The following ADGRB3 variants were observed in gnomAD, a reference collection of about 807,000 sequenced individuals.
The protein encoded by ADGRB3 is adhesion G protein-coupled receptor B3.
In ADGRB3, 37 loss-of-function variants were observed where a neutral mutation model predicts 193.4. That is an observed-to-expected ratio of 0.19 (90% CI 0.15 to 0.25). The LOEUF (loss-of-function observed/expected upper bound fraction) is 0.25, where lower values mean the gene tolerates loss of function less well. ADGRB3 is among the 10% of genes least tolerant of loss of function. ADGRB3 has a pLI of 1.00. For missense variants in ADGRB3, 1,637 were observed against 1,852.9 expected, an observed-to-expected ratio of 0.88 and a Z score of 2.14; for synonymous variants, 690 against 644.2, an observed-to-expected ratio of 1.07 and a Z score of -1.08.
chr6:69,007,377 C>A (rs960235567), intron 11 of ADGRB3, among the ~76,000 whole-genome samples: 2 of 152,130 alleles, frequency 1.3e-5, no homozygotes, highest in African/African-American at 4.8e-5. Flanking sequence ...ACTGTGGGAT[C>A]AAAGCCTCAC....
rs1769127712 is a variant in ADGRB3 at position 68,987,948 on chromosome 6, A to G, written c.1735-5820A>G. Among the ~76,000 whole-genome samples, 3 of 152,304 alleles carry G rather than the reference A, an allele frequency of 2.0e-5. No homozygotes were observed. In the South Asian group the frequency reaches 6.2e-4, roughly 32 times the overall value. On this transcript the variant is annotated intron_variant, in intron 10 of 31. Transcript: ENST00000370598. ...ATTAATTGGATATAGTTTACAAAGCAATTCTGTCAGGAAGTGTAAAAGTTC... is the reference window on the plus strand; with the variant it reads ...ATTAATTGGATATAGTTTACAAAGCGATTCTGTCAGGAAGTGTAAAAGTTC...
chr6:68,772,892 AAAAT>A lies in ADGRB3; in HGVS notation c.757+133462_757+133465del, dbSNP rs1415470280. 7.6e-3 allele frequency among the ~76,000 whole-genome samples: 231 copies of A among 30,498 alleles called. 1 individual carries two copies. The highest frequency in any genetic ancestry group is 0.023 in the Middle Eastern group (2 of 88). 20.0% of individuals were successfully genotyped at this position (30,498 alleles called of 152,430 possible). A position where few individuals can be genotyped will look rare whatever the true frequency, so the allele number is the denominator to read the frequency against. Reference sequence around the variant, plus strand: ...AAACAAACAAACAAACAAAAAAAAAAAAATATATATATATATATATATATATATA... The same window carrying A: ...AAACAAACAAACAAACAAAAAAAAAAATATATATATATATATATATATATA... On this transcript the variant is annotated intron_variant, in intron 3 of 31. Transcript: ENST00000370598.
chr6:69,243,192 T>C (rs563405084), intron 20 of ADGRB3, among the ~76,000 whole-genome samples: 1 of 151,808 alleles, frequency 6.6e-6, no homozygotes, highest in African/African-American at 2.4e-5. Context: ...CTTCTCTCTC[T>C]CACAAGCTCA....
chr6:69,100,892 A>G (rs1582460756), intron 17 of ADGRB3, among the ~76,000 whole-genome samples: 3 of 114,378 alleles, frequency 2.6e-5, no homozygotes, highest in Non-Finnish European at 3.7e-5. Context: ...GAGGGAAGGA[A>G]GGAAGGAAGA....
At chr6:69,326,809 G>A (rs539696121) in intron 21 of ADGRB3, among the ~76,000 whole-genome samples, 2 of 152,056 alleles carry the variant, frequency 1.3e-5, no homozygotes, top group Admixed American at 6.6e-5. Context: ...AAGAAGAGGA[G>A]AAACAGAAGG....
chr6:68,957,577 A>G (rs1768109652), intron 8 of ADGRB3, among the ~76,000 whole-genome samples: 1 of 152,194 alleles, frequency 6.6e-6, no homozygotes, highest in African/African-American at 2.4e-5. Context: ...AGACCCACTT[A>G]GAATCCTGTT....
chr6:68,878,372 A>G (rs2150223185), intron 3 of ADGRB3, among the ~76,000 whole-genome samples: 1 of 152,254 alleles, frequency 6.6e-6, no homozygotes, highest in East Asian at 1.9e-4. Flanking sequence ...AAAATATTAA[A>G]TAGTTTTGCT....
chr6:69,010,006 T>C (rs1039333665), intron 11 of ADGRB3, among the ~76,000 whole-genome samples: 2 of 152,158 alleles, frequency 1.3e-5, no homozygotes, highest in Non-Finnish European at 2.9e-5. Flanking sequence ...TTTATTGCTT[T>C]CCATAAAATA....
chr6:68,952,761 T>C (rs1408350250), intron 6 of ADGRB3, among the ~76,000 whole-genome samples: 2 of 150,418 alleles, frequency 1.3e-5, no homozygotes, highest in Non-Finnish European at 3.0e-5. Flanking sequence ...GTATCTTCAA[T>C]TTCATTATTT....
intron 6 of ADGRB3, among the ~76,000 whole-genome samples, chr6:68,955,687 G>T (rs1156543798): frequency 1.3e-5 from 2 of 152,002 alleles, no homozygotes; most frequent in African/African-American, 4.8e-5. Context: ...AACTACTCAG[G>T]AGGCTGAGGC....
chr6:69,181,293 A>G (rs1367290062), intron 17 of ADGRB3, among the ~76,000 whole-genome samples: 1 of 152,152 alleles, frequency 6.6e-6, no homozygotes, highest in Non-Finnish European at 1.5e-5. Context: ...ATCTTGAAAA[A>G]AAAAATGTGT....
At chr6:68,658,535 A>G (rs1768545063) in intron 3 of ADGRB3, among the ~76,000 whole-genome samples, 1 of 151,244 alleles carries the variant, frequency 6.6e-6, no homozygotes, top group African/African-American at 2.4e-5. Context: ...GAATTCTGCA[A>G]TCTCATCTCT....
At chr6:69,375,303 G>C (rs1410558623) in intron 30 of ADGRB3, among the ~76,000 whole-genome samples, 1 of 152,056 alleles carries the variant, frequency 6.6e-6, no homozygotes, top group Non-Finnish European at 1.5e-5. Flanking sequence ...ATTGTAGCAG[G>C]GTGAAAGGTG....
In ADGRB3 at chr6:68,960,593, GAGACCAGGAGAGTCTTCCT is replaced by G. The variant is rs563340198; in HGVS notation, c.1525+3785_1525+3803del. ...CTCCAACAGGATTATGCCTCCTCTGGAGACCAGGAGAGTCTTCCTTTGGTCTCTAAGTAATTGTCTTTTA... is the reference window on the plus strand; with the variant it reads ...CTCCAACAGGATTATGCCTCCTCTGGTTGGTCTCTAAGTAATTGTCTTTTA... On this transcript the variant is annotated intron_variant, in intron 8 of 31. Transcript: ENST00000370598. Among the ~76,000 whole-genome samples the G allele has an allele frequency of 2.6e-5, 4 of 152,194 alleles. No individual in the cohort carries two copies. The South Asian group carries it at 8.3e-4, about 32-fold the overall frequency.
At chr6:69,022,556 A>G (rs1031083305) in intron 13 of ADGRB3, among the ~76,000 whole-genome samples, 1 of 151,910 alleles carries the variant, frequency 6.6e-6, no homozygotes, top group African/African-American at 2.4e-5. Context: ...AGCCTTCCAG[A>G]AACTCTAATT....
intron 17 of ADGRB3, among the ~76,000 whole-genome samples, chr6:69,214,974 GCAAAACATCACTCTC>G (rs1765746101): frequency 6.6e-6 from 1 of 151,962 alleles, no homozygotes. Context: ...TCCAAGAAAG[GCAAAACATCACTCTC>G]CATCTACTCT....
intron 17 of ADGRB3, among the ~76,000 whole-genome samples, chr6:69,186,945 T>G (rs974085284): frequency 7.6e-5 from 7 of 92,380 alleles, no homozygotes; most frequent in East Asian, 5.5e-4. Flanking sequence ...TTGTTTTTTG[T>G]TTTTTTTTTT....
intron 3 of ADGRB3, among the ~76,000 whole-genome samples, chr6:68,834,477 A>C (rs1178158002): frequency 2.0e-5 from 3 of 152,188 alleles, no homozygotes; most frequent in African/African-American, 7.2e-5. Flanking sequence ...AAAATCTAAA[A>C]TATAAGTGAT....
At chr6:68,844,597 A>G (rs1768236829) in intron 3 of ADGRB3, among the ~76,000 whole-genome samples, 1 of 152,136 alleles carries the variant, frequency 6.6e-6, no homozygotes, top group South Asian at 2.1e-4. Flanking sequence ...TTTCTCTAAA[A>G]TAATAGAAGT....
Sources: gnomAD v4.1 joint callset for allele counts (sites outside exome capture counted in the v4.1 genomes callset) on GRCh38, gnomAD v4.1.1 for gene constraint, MANE v1.5 for transcripts, NCBI Gene and HGNC (gene_info 2026-07-23, HGNC 2026-07-21) for gene names.